The following APBA2 variants were observed in gnomAD, a reference collection of about 807,000 sequenced individuals.
APBA2 encodes amyloid beta precursor protein binding family A member 2, also known as amyloid-beta A4 precursor protein-binding family A member 2.
In APBA2, 30 loss-of-function variants were observed where a neutral mutation model predicts 75.0. The ratio of observed to expected loss-of-function variants is 0.40; its 90% CI spans 0.30 to 0.54. APBA2 has a LOEUF of 0.54. APBA2 is among the 20% of genes least tolerant of loss of function. APBA2 has a pLI of 0.49. For missense variants in APBA2, 801 were observed against 1,016.1 expected (o/e 0.79, Z 2.88); for synonymous variants, 444 against 409.6 (o/e 1.08, Z -1.01).
rs140522950 is a variant in APBA2, at chr15:29,027,688, C to T, written c.-40-26157C>T. The stretch of plus-strand genomic sequence containing the variant: ...TGTGATCTCAGCTCACTGCAGCCTC[C>T]GCCTCCCGGGTTCCCGCATTCTCCT... On this transcript the variant is annotated intron_variant, in intron 3 of 14. Transcript: ENST00000683413. Among the ~76,000 whole-genome samples the T allele has an allele frequency of 3.3e-3, 498 of 151,778 alleles. 4 individuals carry two copies. Among genetic ancestry groups the T allele is most frequent in the Admixed American group, 5.4e-3 (82 of 15,260 alleles).
intron 2 of APBA2, among the ~76,000 whole-genome samples, chr15:28,922,297 C>T: frequency 6.6e-6 from 1 of 152,166 alleles, no homozygotes; most frequent in East Asian, 1.9e-4. Flanking sequence ...TGCCTTGACC[C>T]AGGTAGCCAG....
chr15:29,084,237 T>G (rs1030219677), intron 6 of APBA2, among the ~76,000 whole-genome samples: 1 of 152,236 alleles, frequency 6.6e-6, no homozygotes, highest in African/African-American at 2.4e-5. Flanking sequence ...ACAAGAATGA[T>G]TTTTGCTGCT....
At chr15:29,037,302 G>C (rs1429054905) in intron 3 of APBA2, among the ~76,000 whole-genome samples, 1 of 152,140 alleles carries the variant, frequency 6.6e-6, no homozygotes, top group East Asian at 1.9e-4. Context: ...TTAAATATGA[G>C]ATGCAGCCCC....
chr15:28,919,668 C>T (rs1209822817), intron 1 of APBA2, among the ~76,000 whole-genome samples: 3 of 152,174 alleles, frequency 2.0e-5, no homozygotes, highest in Non-Finnish European at 4.4e-5. Context: ...AGCGGGGACT[C>T]AGTGAGCATC....
intron 11 of APBA2, among the ~76,000 whole-genome samples, 170 bp downstream of exon 11, chr15:29,105,728 G>A (rs2044370260): frequency 6.6e-6 from 1 of 152,240 alleles, no homozygotes; most frequent in Non-Finnish European, 1.5e-5. Context: ...GAGCACTTGG[G>A]TGTGAAATGA....
At position 29,053,700 on chromosome 15, in the gene APBA2, G is replaced by A. The variant is rs78286962; in HGVS notation, c.-40-145G>A. On this transcript the variant is annotated intron_variant, in intron 3 of 14. Coordinates refer to ENST00000683413, the MANE Select transcript of APBA2 (RefSeq NM_001353788.2). ...GTTGTTCTGATGATGAGTTAGCGGGGGTGGGGATGGCGCACTGTTTGAACA... is the reference window on the plus strand; with the variant it reads ...GTTGTTCTGATGATGAGTTAGCGGGAGTGGGGATGGCGCACTGTTTGAACA... The A allele has an allele frequency of 9.7e-3, 5,892 of 608,262 alleles. 253 individuals are homozygous for A. Among genetic ancestry groups the A allele is most frequent in the African/African-American group, 0.094 (5,098 of 54,088 alleles). The allele number at this position is 608,262 out of a possible 1,614,324, so 37.7% of individuals were successfully genotyped here.
At chr15:29,019,980 G>A (rs2039869473) in intron 3 of APBA2, among the ~76,000 whole-genome samples, 1 of 152,232 alleles carries the variant, frequency 6.6e-6, no homozygotes. Flanking sequence ...AGATGTGATA[G>A]GGAGAAAATC....
intron 4 of APBA2, among the ~76,000 whole-genome samples, chr15:29,058,337 C>G (rs1432007601): frequency 6.6e-6 from 1 of 151,970 alleles, no homozygotes; most frequent in Admixed American, 6.6e-5. Flanking sequence ...ATGGTGAAAC[C>G]CTGTCTCTGC....
chr15:29,007,938 G>A (rs562924353), intron 3 of APBA2, among the ~76,000 whole-genome samples: 4 of 152,346 alleles, frequency 2.6e-5, no homozygotes, highest in Admixed American at 2.6e-4. Context: ...TCATGTTCAT[G>A]CAGCATGATT....
chr15:29,004,995 A>G (rs148333495), intron 3 of APBA2, among the ~76,000 whole-genome samples: 1 of 152,122 alleles, frequency 6.6e-6, no homozygotes, highest in African/African-American at 2.4e-5. Context: ...CCTTGTTTAA[A>G]TGCAGATTCT....
Position 29,105,542 on chromosome 15 carries a change from C to T in APBA2, c.1688C>T (p.Ser563Leu), listed in dbSNP as rs536636057. Residue 563 changes from serine (S) to leucine (L), a missense_variant, in exon 11 of 15, where the codon TCG (serine) becomes TTG (leucine). Around this residue, in one of 2 missense-constraint regions of APBA2, gnomAD observed 367 missense variants for 544.5 expected, o/e 0.67. Transcript: ENST00000683413. Reference protein sequence around the residue: ...YNDDLIHFSNSENCKELQLEK... With the variant: ...YNDDLIHFSNLENCKELQLEK... ...GACGACCTCATCCACTTCTCAAACT[C>T]GGAGAACTGCAAGGAGGTAAGCCAC... 10 of 1,613,472 alleles carry T rather than the reference C, an allele frequency of 6.2e-6. No homozygotes were observed. The highest frequency in any genetic ancestry group is 7.6e-6 in the Non-Finnish European group (9 of 1,180,030).
At chr15:28,927,775 G>T (rs1345864553) in intron 2 of APBA2, among the ~76,000 whole-genome samples, 5 of 151,770 alleles carry the variant, frequency 3.3e-5, no homozygotes, top group African/African-American at 7.3e-5. Context: ...AGAAGTTCTT[G>T]TTGACCTGTC....
At chr15:28,946,500 G>C (rs775966548) in intron 2 of APBA2, among the ~76,000 whole-genome samples, 2 of 152,230 alleles carry the variant, frequency 1.3e-5, no homozygotes, top group East Asian at 3.8e-4. Context: ...TAGAGCCTCC[G>C]TAAAGAACCA....
At chr15:29,056,764 C>T (rs932842103) in intron 4 of APBA2, among the ~76,000 whole-genome samples, 11 of 151,536 alleles carry the variant, frequency 7.3e-5, no homozygotes, top group African/African-American at 2.7e-4. Flanking sequence ...GTGCCAGGGG[C>T]CCTGACTACT....
chr15:29,108,702 G>C (rs1412087141), intron 13 of APBA2: 1 of 508,754 alleles, frequency 2.0e-6, no homozygotes, highest in Non-Finnish European at 3.6e-6. Context: ...CTGTAGCTTG[G>C]ACACAACCAA....
intron 6 of APBA2, among the ~76,000 whole-genome samples, chr15:29,077,224 G>T (rs55865756): frequency 0.068 from 10,350 of 152,244 alleles, 950 homozygotes; most frequent in African/African-American, 0.21. Context: ...ATTCCTGGAA[G>T]AGACCACACT....
chr15:28,947,144 C>T (rs1332043412), intron 2 of APBA2, among the ~76,000 whole-genome samples: 1 of 152,232 alleles, frequency 6.6e-6, no homozygotes, highest in Non-Finnish European at 1.5e-5. Context: ...TGCCACAGCG[C>T]ACTTGCAGCT....
chr15:29,055,396 T>G (rs1166881734), intron 4 of APBA2, among the ~76,000 whole-genome samples: 6 of 152,084 alleles, frequency 3.9e-5, no homozygotes, highest in Non-Finnish European at 8.8e-5. Context: ...TTTTGAAGGT[T>G]TGACAAAACC....
At chr15:28,993,467 AAAG>A (rs1199642249) in intron 2 of APBA2, among the ~76,000 whole-genome samples, 32 of 152,296 alleles carry the variant, frequency 2.1e-4, no homozygotes, top group African/African-American at 7.7e-4. Flanking sequence ...AGAAACATGA[AAAG>A]AATGCAAATG....
Sources: gnomAD v4.1 joint callset for allele counts (sites outside exome capture counted in the v4.1 genomes callset) on GRCh38, gnomAD v4.1.1 for gene constraint, gnomAD v4.1.1 regional missense constraint, MANE v1.5 for transcripts, NCBI Gene and HGNC (gene_info 2026-07-23, HGNC 2026-07-21) for gene names.